The following GABRB3 variants were observed in gnomAD, a reference collection of about 807,000 sequenced individuals.
GABRB3 encodes the protein gamma-aminobutyric acid receptor subunit beta-3.
A neutral mutation model predicts 52.1 loss-of-function variants in GABRB3; 14 were observed. The observed-to-expected ratio is 0.27, with a 90% CI of 0.18 to 0.42. The LOEUF (loss-of-function observed/expected upper bound fraction) is 0.42, where lower values mean the gene tolerates loss of function less well. Ranked by LOEUF, GABRB3 falls within the 10% of genes least tolerant of loss-of-function variation. The probability of loss-of-function intolerance (pLI) is 1.00; values close to 1 mark genes in which losing one functional copy is unlikely to be tolerated. For synonymous variants in GABRB3, 260 were observed against 232.3 expected, an observed-to-expected ratio of 1.12 and a Z score of -1.08; for missense variants, 307 against 609.1, an observed-to-expected ratio of 0.50 and a Z score of 5.22.
intron 3 of GABRB3, among the ~76,000 whole-genome samples, chr15:26,755,168 T>A (rs1701197601): frequency 1.3e-5 from 2 of 151,942 alleles, no homozygotes; most frequent in Non-Finnish European, 2.9e-5. Flanking sequence ...CATGCCCGGC[T>A]AATTTTTTTT....
chr15:26,768,141 A>T (rs1474569006), intron 3 of GABRB3, among the ~76,000 whole-genome samples: 2 of 152,148 alleles, frequency 1.3e-5, no homozygotes, highest in African/African-American at 4.8e-5. Context: ...CCCAAAAGGA[A>T]CTCTAATTTT....
At chr15:26,557,739 G>A (rs1889808812) in intron 8 of GABRB3, 1 of 152,108 alleles carries the variant, frequency 6.6e-6, no homozygotes, top group East Asian at 1.9e-4. Context: ...AACATATAAA[G>A]GCCTTACTAA....
At chr15:26,711,522 T>A (rs981125681) in intron 3 of GABRB3, among the ~76,000 whole-genome samples, 6 of 152,222 alleles carry the variant, frequency 3.9e-5, no homozygotes, top group African/African-American at 1.2e-4. Context: ...TTCTATTGTG[T>A]GTGCATGAGA....
chr15:26,669,798 A>C (rs1450063733), intron 3 of GABRB3, among the ~76,000 whole-genome samples: 3 of 151,080 alleles, frequency 2.0e-5, no homozygotes, highest in Non-Finnish European at 3.0e-5. Flanking sequence ...ACCATCACCC[A>C]CTCCCTGTAA....
intron 3 of GABRB3, chr15:26,625,418 T>A (rs1471749138): frequency 1.1e-6 from 1 of 931,250 alleles, no homozygotes; most frequent in Non-Finnish European, 1.3e-6. Flanking sequence ...CCCAGGGAAG[T>A]CACCAATTTT....
At chr15:26,574,068 T>TA (rs1222249665) in intron 6 of GABRB3, among the ~76,000 whole-genome samples, 2 of 152,048 alleles carry the variant, frequency 1.3e-5, no homozygotes, top group Non-Finnish European at 2.9e-5. Flanking sequence ...AGAATGCTTA[T>TA]AAAAAAGACA....
chr15:26,702,360 C>T (rs28519635), intron 3 of GABRB3, among the ~76,000 whole-genome samples: 3,492 of 152,164 alleles, frequency 0.023, 136 homozygotes, highest in African/African-American at 0.08. Flanking sequence ...TGTAAGGAAC[C>T]CTTGAGATTC....
intron 3 of GABRB3, among the ~76,000 whole-genome samples, chr15:26,706,849 G>A (rs1425221506): frequency 6.6e-6 from 1 of 152,132 alleles, no homozygotes; most frequent in Non-Finnish European, 1.5e-5. Flanking sequence ...AAATAAAAGG[G>A]AGTCTCAGCC....
intron 7 of GABRB3, among the ~76,000 whole-genome samples, chr15:26,562,237 C>T (rs1018239545): frequency 5.9e-5 from 9 of 152,172 alleles, no homozygotes; most frequent in East Asian, 1.9e-4. Flanking sequence ...GCAGCTGACG[C>T]GCTCTCTTGG....
At chr15:26,644,169 A>G (rs1001206240) in intron 3 of GABRB3, among the ~76,000 whole-genome samples, 6 of 152,178 alleles carry the variant, frequency 3.9e-5, no homozygotes, top group African/African-American at 1.4e-4. Context: ...TTTTGGTTTT[A>G]TTTGGAAAGC....
chr15:26,664,900 G>A (rs1252373351), intron 3 of GABRB3, among the ~76,000 whole-genome samples: 3 of 151,580 alleles, frequency 2.0e-5, no homozygotes, highest in Non-Finnish European at 2.9e-5. Flanking sequence ...GGGTTTCTCC[G>A]TGTTGGTCAG....
chr15:26,617,395 C>A (rs1475420494), intron 4 of GABRB3, among the ~76,000 whole-genome samples: 3 of 152,100 alleles, frequency 2.0e-5, no homozygotes, highest in Non-Finnish European at 4.4e-5. Context: ...AGCATATAAA[C>A]AGAACCAAAG....
chr15:26,561,841 G>T (rs553708114), intron 7 of GABRB3, among the ~76,000 whole-genome samples: 5 of 152,322 alleles, frequency 3.3e-5, no homozygotes, highest in African/African-American at 7.2e-5. Flanking sequence ...AACTAAGAAA[G>T]AATCTGTACA....
At chr15:26,685,305 T>C (rs1888367037) in intron 3 of GABRB3, among the ~76,000 whole-genome samples, 1 of 152,204 alleles carries the variant, frequency 6.6e-6, no homozygotes, top group African/African-American at 2.4e-5. Flanking sequence ...ATAGCAGAGC[T>C]GAGGAATCTT....
chr15:26,771,783 C>CT (rs1891151451), intron 3 of GABRB3: 1 of 152,332 alleles, frequency 6.6e-6, no homozygotes, highest in Non-Finnish European at 1.5e-5. Flanking sequence ...GAGAGCCCGC[C>CT]TAGGCGCGGC....
intron 4 of GABRB3, among the ~76,000 whole-genome samples, chr15:26,596,572 G>A (rs1017712976): frequency 9.2e-5 from 14 of 151,816 alleles, no homozygotes; most frequent in Non-Finnish European, 1.9e-4. Flanking sequence ...TACATTTATG[G>A]GTAAACCTTT....
rs1406475851 is a variant in GABRB3 at position 26,546,305 on chromosome 15, C to T, written c.*1488G>A. 1 of 150,162 alleles carries T rather than the reference C, an allele frequency of 6.7e-6. No homozygotes were observed. Among genetic ancestry groups the T allele is most frequent in the Non-Finnish European group, 1.5e-5 (1 of 67,334 alleles). The allele number at this position is 150,162 out of a possible 1,614,324, so 9.3% of individuals were successfully genotyped here. ...ATTGTTTACAAAAAATATATCATCT[C>T]TTTTTTTTTTCTTTAGAAAGATCTC... On this transcript the variant is annotated 3_prime_UTR_variant, in exon 9 of 9. Transcript: ENST00000311550.
chr15:26,653,691 T>C (rs1007046513), intron 3 of GABRB3, among the ~76,000 whole-genome samples: 5 of 152,190 alleles, frequency 3.3e-5, no homozygotes, highest in Non-Finnish European at 7.3e-5. Context: ...AATGGACCCA[T>C]TGGGTGGTTA....
intron 3 of GABRB3, among the ~76,000 whole-genome samples, chr15:26,668,728 T>C (rs996207502): frequency 3.3e-5 from 5 of 152,174 alleles, no homozygotes; most frequent in African/African-American, 1.2e-4. Context: ...GGGGAGTAAA[T>C]TGTATGACTA....
Sources: gnomAD v4.1 joint callset for allele counts (sites outside exome capture counted in the v4.1 genomes callset) on GRCh38, gnomAD v4.1.1 for gene constraint, MANE v1.5 for transcripts, NCBI Gene and HGNC (gene_info 2026-07-23, HGNC 2026-07-21) for gene names.